Variants in NRG1 observed in about 807,000 individuals in gnomAD.
NRG1 encodes neuregulin 1, also known as pro-neuregulin-1, membrane-bound isoform.
In NRG1, 18 loss-of-function variants were observed where a neutral mutation model predicts 63.8. That is an observed-to-expected ratio of 0.28 (90% confidence interval 0.19 to 0.42). The LOEUF is 0.42. Ranked by LOEUF, NRG1 falls within the 10% of genes least tolerant of loss-of-function variation. NRG1 has a pLI of 1.00. For synonymous variants in NRG1, 302 were observed against 301.3 expected (o/e 1.00, Z -0.02); for missense variants, 762 against 814.7 (o/e 0.94, Z 0.79).
intron 1 of NRG1, among the ~76,000 whole-genome samples, chr8:32,305,975 G>T (rs1856147362): frequency 6.6e-6 from 1 of 152,096 alleles, no homozygotes; most frequent in Admixed American, 6.6e-5. Flanking sequence ...TCTTTCCATT[G>T]TAAAATACAG....
intron 1 of NRG1, among the ~76,000 whole-genome samples, chr8:32,104,759 T>C (rs1167191999): frequency 6.6e-6 from 1 of 152,110 alleles, no homozygotes; most frequent in Non-Finnish European, 1.5e-5. Flanking sequence ...GGGTCAGGAT[T>C]GTCAGTATCA....
chr8:31,763,807 T>C lies in NRG1; in HGVS notation c.37+124376T>C, dbSNP rs191586837. Among the ~76,000 whole-genome samples, 744 of 151,968 alleles carry C rather than the reference T, an allele frequency of 4.9e-3. 2 individuals are homozygous for C. Among genetic ancestry groups the C allele is most frequent in the Non-Finnish European group, 7.6e-3 (518 of 67,940 alleles). ...CTACTAAAAATACAAAAAATTAGCCTGGCATGGTGGCGGGTGGCTGTAGTC... is the reference window on the plus strand; with the variant it reads ...CTACTAAAAATACAAAAAATTAGCCCGGCATGGTGGCGGGTGGCTGTAGTC... On this transcript the variant is annotated intron_variant, in intron 1 of 10. Coordinates refer to the NRG1 transcript ENST00000519301.
chr8:31,765,208 A>G (rs1817941652), intron 1 of NRG1, among the ~76,000 whole-genome samples: 2 of 152,204 alleles, frequency 1.3e-5, no homozygotes, highest in East Asian at 1.9e-4. Context: ...GAACTCACTT[A>G]TTAGTTCTAT....
chr8:32,009,155 G>A (rs1814308103), intron 1 of NRG1, among the ~76,000 whole-genome samples: 1 of 152,020 alleles, frequency 6.6e-6, no homozygotes, highest in Non-Finnish European at 1.5e-5. Context: ...TGAGAAATTT[G>A]TGTTGTATAA....
intron 1 of NRG1, among the ~76,000 whole-genome samples, chr8:31,714,529 T>C (rs1421403148): frequency 3.3e-5 from 5 of 152,194 alleles, no homozygotes; most frequent in Non-Finnish European, 2.9e-5. Context: ...ACTGCTTTGT[T>C]ACTATTCTGA....
rs569807621 is a variant in NRG1, at chr8:31,828,573, T to C, written c.37+189142T>C. Reference sequence around the variant, plus strand: ...TCTGGTGTAAACACCACCCGCGCTCTGTCCAACAGCATAAGCTACCCTGGC... The same window carrying C: ...TCTGGTGTAAACACCACCCGCGCTCCGTCCAACAGCATAAGCTACCCTGGC... On this transcript the variant is annotated intron_variant, in intron 1 of 10. Transcript: ENST00000519301. Among the ~76,000 whole-genome samples, 32 of 152,296 alleles carry C rather than the reference T, an allele frequency of 2.1e-4. 1 individual carries two copies. The South Asian group carries it at 5.8e-3, about 28-fold the overall frequency.
At chr8:32,247,954 A>G (rs557312699) in intron 1 of NRG1, among the ~76,000 whole-genome samples, 1 of 152,222 alleles carries the variant, frequency 6.6e-6, no homozygotes, top group South Asian at 2.1e-4. Flanking sequence ...ATGGCATTTG[A>G]TATTAAAGAT....
chr8:32,567,448 T>A (rs1837668007), intron 1 of NRG1, among the ~76,000 whole-genome samples: 2 of 152,208 alleles, frequency 1.3e-5, no homozygotes, highest in Admixed American at 1.3e-4. Flanking sequence ...AAGAAATTTC[T>A]CTGGCCTAGT....
chr8:31,741,916 A>G (rs1815315865), intron 1 of NRG1, among the ~76,000 whole-genome samples: 1 of 152,018 alleles, frequency 6.6e-6, no homozygotes, highest in South Asian at 2.1e-4. Flanking sequence ...AAATGGCAAA[A>G]AACTGAAAAA....
chr8:31,696,254 A>T (rs915549180), intron 1 of NRG1, among the ~76,000 whole-genome samples: 1 of 152,112 alleles, frequency 6.6e-6, no homozygotes, highest in African/African-American at 2.4e-5. Flanking sequence ...TTTAATAGAG[A>T]CAGGGTTTCA....
At chr8:31,941,368 C>T (rs1801723704) in intron 1 of NRG1, among the ~76,000 whole-genome samples, 1 of 152,064 alleles carries the variant, frequency 6.6e-6, no homozygotes, top group South Asian at 2.1e-4. Context: ...CTAAAAACCT[C>T]AGCAAAATCT....
rs149907298 is a variant in NRG1 at position 32,103,112 on chromosome 8, C to G, written c.37+463681C>G. Among the ~76,000 whole-genome samples, 13 of 152,260 alleles carry G rather than the reference C, an allele frequency of 8.5e-5. No individual in the cohort carries two copies. In the East Asian group the frequency reaches 1.4e-3, roughly 16 times the overall value. ...ATTATTTTGGCTATAGTCACACTGT[C>G]ATGCTATTAAATGCTAGGTCTTCTA... On this transcript the variant is annotated intron_variant, in intron 1 of 10. Transcript: ENST00000519301.
At chr8:32,179,288 G>A (rs186158212) in intron 1 of NRG1, among the ~76,000 whole-genome samples, 7 of 151,584 alleles carry the variant, frequency 4.6e-5, no homozygotes, top group South Asian at 4.2e-4. Context: ...CTCCTGATGC[G>A]GAAGTGGCAA....
chr8:31,913,111 T>A (rs1833082235), intron 1 of NRG1, among the ~76,000 whole-genome samples: 1 of 152,204 alleles, frequency 6.6e-6, no homozygotes, highest in Non-Finnish European at 1.5e-5. Flanking sequence ...TTTAAAGAGG[T>A]TAAGTTAATT....
At chr8:32,176,764 A>C (rs953846101) in intron 1 of NRG1, among the ~76,000 whole-genome samples, 15 of 152,332 alleles carry the variant, frequency 9.8e-5, no homozygotes, top group African/African-American at 2.4e-4. Context: ...AATGCAAATC[A>C]AAACCACAAT....
chr8:32,140,458 C>A (rs1182778424), intron 1 of NRG1, among the ~76,000 whole-genome samples: 2 of 151,092 alleles, frequency 1.3e-5, no homozygotes, highest in African/African-American at 4.9e-5. Flanking sequence ...TGCTTTTCTT[C>A]TTTCTTTCTT....
chr8:31,806,840 A>G (rs957555779), intron 1 of NRG1, among the ~76,000 whole-genome samples: 4 of 152,222 alleles, frequency 2.6e-5, no homozygotes, highest in African/African-American at 9.6e-5. Context: ...ATTAATGTGC[A>G]TGTAAAGATG....
intron 1 of NRG1, among the ~76,000 whole-genome samples, chr8:32,421,772 A>G (rs1468098487): frequency 6.6e-6 from 1 of 152,220 alleles, no homozygotes; most frequent in Non-Finnish European, 1.5e-5. Flanking sequence ...TCTTTAAGGC[A>G]GGTGCCAGCA....
intron 1 of NRG1, among the ~76,000 whole-genome samples, chr8:32,418,362 CTCTT>C (rs1167131279): frequency 2.0e-5 from 3 of 150,974 alleles, no homozygotes; most frequent in Non-Finnish European, 4.4e-5. Flanking sequence ...ATAATATACT[CTCTT>C]TAACTCTTTA....
Sources: gnomAD v4.1 joint callset for allele counts (sites outside exome capture counted in the v4.1 genomes callset) on GRCh38, gnomAD v4.1.1 for gene constraint, MANE v1.5 for transcripts, NCBI Gene and HGNC (gene_info 2026-07-23, HGNC 2026-07-21) for gene names.